Variants in SLC25A48 observed in about 807,000 individuals in gnomAD.
SLC25A48 encodes CTC-321K16.1.
In SLC25A48, 29 loss-of-function variants were observed where a neutral mutation model predicts 32.2. That is an observed-to-expected ratio of 0.90 (90% CI 0.67 to 1.23). The LOEUF (loss-of-function observed/expected upper bound fraction) is 1.23, where lower values mean the gene tolerates loss of function less well. Ranked by LOEUF, SLC25A48 falls within the 50% of genes most tolerant of loss-of-function variation. SLC25A48 has a pLI of 0.00. For missense variants in SLC25A48, 399 were observed against 422.7 expected (o/e 0.94, Z 0.49); for synonymous variants, 164 against 172.3 (o/e 0.95, Z 0.38).
intron 3 of SLC25A48, among the ~76,000 whole-genome samples, chr5:135,774,572 TCA>T (rs1756499046): frequency 6.6e-6 from 1 of 151,838 alleles, no homozygotes; most frequent in Non-Finnish European, 1.5e-5. Flanking sequence ...ACTCTGAATA[TCA>T]CAGCGGTTAT....
At chr5:135,641,050 G>A (rs801572) in intron 3 of SLC25A48, among the ~76,000 whole-genome samples, 113,457 of 152,126 alleles carry the variant, frequency 0.75, 42,863 homozygotes, top group East Asian at 1. Context: ...AAATAGAACT[G>A]TCTTTATTCA....
chr5:135,613,467 T>G (rs1752119053), intron 1 of SLC25A48, among the ~76,000 whole-genome samples: 1 of 152,244 alleles, frequency 6.6e-6, no homozygotes, highest in East Asian at 1.9e-4. Context: ...TTGTTGCCTG[T>G]GGTTTTGCAG....
chr5:135,588,289 GA>G (rs1174316168), intron 1 of SLC25A48, among the ~76,000 whole-genome samples: 2 of 152,268 alleles, frequency 1.3e-5, no homozygotes, highest in South Asian at 2.1e-4. Context: ...TCCTGTGGAG[GA>G]AAAAAAGCCA....
At chr5:135,584,466 G>A (rs1008123079) in intron 1 of SLC25A48, among the ~76,000 whole-genome samples, 8 of 152,188 alleles carry the variant, frequency 5.3e-5, no homozygotes, top group South Asian at 2.1e-4. Context: ...CCCACTCAAT[G>A]AGGAAATGTT....
intron 3 of SLC25A48, among the ~76,000 whole-genome samples, chr5:135,789,884 C>A (rs1756980634): frequency 6.6e-6 from 1 of 151,952 alleles, no homozygotes; most frequent in Non-Finnish European, 1.5e-5. Context: ...GTGTACACCT[C>A]TTGAGACATT....
At chr5:135,733,857 T>C (rs188963807) in intron 3 of SLC25A48, among the ~76,000 whole-genome samples, 24 of 152,196 alleles carry the variant, frequency 1.6e-4, no homozygotes, top group African/African-American at 5.5e-4. Context: ...GCTAGGTTTA[T>C]CTAGGACAGA....
chr5:135,631,061 C>T (rs753654153), intron 2 of SLC25A48, among the ~76,000 whole-genome samples: 35 of 152,154 alleles, frequency 2.3e-4, no homozygotes, highest in Non-Finnish European at 3.1e-4. Flanking sequence ...CTTCCTGCAT[C>T]GACCCTGAAC....
chr5:135,692,564 T>G (rs1580789562), intron 3 of SLC25A48, among the ~76,000 whole-genome samples: 1 of 152,182 alleles, frequency 6.6e-6, no homozygotes, highest in East Asian at 1.9e-4. Flanking sequence ...AAGAATTTGA[T>G]CTCACTTTGT....
chr5:135,690,841 C>T (rs1433527532), intron 3 of SLC25A48, among the ~76,000 whole-genome samples: 1 of 152,126 alleles, frequency 6.6e-6, no homozygotes, highest in Admixed American at 6.5e-5. Flanking sequence ...GCCCAAGAGG[C>T]CCCAACAGAA....
At chr5:135,593,979 A>G (rs1303610134) in intron 1 of SLC25A48, among the ~76,000 whole-genome samples, 1 of 152,242 alleles carries the variant, frequency 6.6e-6, no homozygotes, top group African/African-American at 2.4e-5. Flanking sequence ...GAACTGCATC[A>G]TCTTGTTTAC....
At chr5:135,653,532 A>G (rs1444302355) in intron 3 of SLC25A48, among the ~76,000 whole-genome samples, 1 of 152,214 alleles carries the variant, frequency 6.6e-6, no homozygotes, top group African/African-American at 2.4e-5. Flanking sequence ...GGAAGCACAG[A>G]TTGGTTAGTA....
intron 3 of SLC25A48, among the ~76,000 whole-genome samples, chr5:135,676,603 T>G (rs1753772476): frequency 6.6e-6 from 1 of 152,064 alleles, no homozygotes; most frequent in Non-Finnish European, 1.5e-5. Context: ...TTTATTGCTA[T>G]AAGCTTCCTT....
intron 1 of SLC25A48, among the ~76,000 whole-genome samples, chr5:135,602,073 T>A (rs979954894): frequency 6.6e-6 from 1 of 152,156 alleles, no homozygotes; most frequent in Admixed American, 6.5e-5. Context: ...AAACTTCCTA[T>A]CTCTTAATTT....
intron 2 of SLC25A48, among the ~76,000 whole-genome samples, chr5:135,842,958 C>T (rs189113159): frequency 1.4e-4 from 21 of 152,350 alleles, no homozygotes; most frequent in African/African-American, 4.3e-4. Flanking sequence ...CTGCTGACTG[C>T]CTTCCAGATC....
At position 135,621,544 on chromosome 5, in the gene SLC25A48, A is replaced by G. The variant is rs145859787; in HGVS notation, c.-848-7693A>G. Among the ~76,000 whole-genome samples, 697 of 152,342 alleles carry G rather than the reference A, an allele frequency of 4.6e-3. 5 individuals carry two copies. The highest frequency in any genetic ancestry group is 0.016 in the African/African-American group (667 of 41,570). The stretch of plus-strand genomic sequence containing the variant: ...AATAATAAAATAATAGTTCTGGCAC[A>G]AAAATTGAAAGACAAATCAATGGAA... On this transcript the variant is annotated intron_variant, in intron 1 of 10. Transcript: ENST00000646290.
intron 3 of SLC25A48, among the ~76,000 whole-genome samples, chr5:135,706,304 G>T (rs571854273): frequency 5.3e-5 from 8 of 152,188 alleles, no homozygotes; most frequent in African/African-American, 1.9e-4. Context: ...CTTGAGTTGG[G>T]TGTAGGAGGT....
chr5:135,631,143 C>T (rs1370985135), intron 2 of SLC25A48, among the ~76,000 whole-genome samples: 1 of 152,150 alleles, frequency 6.6e-6, no homozygotes, highest in Non-Finnish European at 1.5e-5. Flanking sequence ...TTGTGGCTAG[C>T]TTTATGATGA....
intron 1 of SLC25A48, among the ~76,000 whole-genome samples, chr5:135,582,016 C>T (rs1751245357): frequency 6.6e-6 from 1 of 152,174 alleles, no homozygotes; most frequent in African/African-American, 2.4e-5. Flanking sequence ...CCCTGGGGTA[C>T]AGTGAAGGAC....
chr5:135,712,566 G>C (rs1260435359), intron 3 of SLC25A48, among the ~76,000 whole-genome samples: 1 of 152,168 alleles, frequency 6.6e-6, no homozygotes, highest in South Asian at 2.1e-4. Flanking sequence ...ACTGCCTTAG[G>C]CTCCAAGAGT....
Sources: gnomAD v4.1 joint callset for allele counts (sites outside exome capture counted in the v4.1 genomes callset) on GRCh38, gnomAD v4.1.1 for gene constraint, MANE v1.5 for transcripts, NCBI Gene and HGNC (gene_info 2026-07-23, HGNC 2026-07-21) for gene names.